HOXA3: variants seen among roughly 807,000 people sequenced by gnomAD.
The protein encoded by HOXA3 is homeobox A3, also known as homeobox protein Hox-A3.
HOXA3 carries 8 observed loss-of-function variants against 30.3 expected under a neutral mutation model. The ratio of observed to expected loss-of-function variants is 0.26; its 90% CI spans 0.15 to 0.48. The LOEUF (loss-of-function observed/expected upper bound fraction) is 0.48, where lower values mean the gene tolerates loss of function less well. Ranked by LOEUF, HOXA3 falls within the 20% of genes least tolerant of loss-of-function variation. The pLI is 0.99. For missense variants in HOXA3, 653 were observed against 614.4 expected (o/e 1.06, Z -0.66); for synonymous variants, 323 against 273.1 (o/e 1.18, Z -1.80).
Position 27,107,623 on chromosome 7 carries a change from CAA to C in HOXA3, c.*290_*291del, listed in dbSNP as rs1270166968. 3 of 340,390 alleles carry C rather than the reference CAA, an allele frequency of 8.8e-6. No individual in the cohort carries two copies. Among genetic ancestry groups the C allele is most frequent in the African/African-American group, 6.3e-5 (3 of 47,426 alleles). The allele number at this position is 340,390 out of a possible 1,614,324, so 21.1% of individuals were successfully genotyped here. ...TTTGTTCATATACCCTGTTTCTGAT[CAA>C]AGAGTGGAGAAGGTAAAGGGTGCAG... On this transcript the variant is annotated 3_prime_UTR_variant, in exon 6 of 6. Transcript: ENST00000612286.
intron 2 of HOXA3, 143 bp downstream of exon 2, chr7:27,139,940 T>C (rs934940539): frequency 6.6e-6 from 1 of 151,692 alleles, no homozygotes; most frequent in Non-Finnish European, 1.5e-5. Flanking sequence ...CGCTGCTCTT[T>C]TGGGCAGAGG....
In HOXA3 at chr7:27,152,527, G is replaced by A. The variant is rs1783012245; in HGVS notation, c.-733C>T. The A allele has an allele frequency of 3.4e-6, 4 of 1,180,034 alleles. No homozygotes were observed. Among genetic ancestry groups the A allele is most frequent in the East Asian group, 6.3e-5 (1 of 15,996 alleles). 73.1% of individuals were successfully genotyped at this position (1,180,034 alleles called of 1,614,324 possible). On this transcript the variant is annotated 5_prime_UTR_variant, in exon 1 of 6. Coordinates refer to ENST00000612286, the MANE Select transcript of HOXA3 (RefSeq NM_153631.3). ...CCATCTCCGGACAAAGCACAGCCGAGCCCGGCTGGAAGGCAGAGCTCCGAA... is the reference window on the plus strand; with the variant it reads ...CCATCTCCGGACAAAGCACAGCCGAACCCGGCTGGAAGGCAGAGCTCCGAA...
intron 2 of HOXA3, among the ~76,000 whole-genome samples, chr7:27,139,741 TG>T (rs1782467760): frequency 6.6e-6 from 1 of 152,110 alleles, no homozygotes; most frequent in Non-Finnish European, 1.5e-5. Context: ...CGCGGGGGAC[TG>T]GGGGTGCGGC....
At chr7:27,114,233 G>C (rs1184487356) in intron 4 of HOXA3, among the ~76,000 whole-genome samples, 1 of 152,040 alleles carries the variant, frequency 6.6e-6, no homozygotes, top group Non-Finnish European at 1.5e-5. Context: ...CGTCACGAAA[G>C]TCCAGGAAAA....
intron 3 of HOXA3, chr7:27,123,251 G>T (rs561195427): frequency 6.6e-6 from 1 of 152,274 alleles, no homozygotes; most frequent in Non-Finnish European, 1.5e-5. Flanking sequence ...GTCCTAGTGG[G>T]CTGGCGGGGC....
At chr7:27,134,488 A>G (rs765415299) in intron 2 of HOXA3, among the ~76,000 whole-genome samples, 2 of 152,238 alleles carry the variant, frequency 1.3e-5, no homozygotes, top group Non-Finnish European at 2.9e-5. Context: ...TGACATGTCT[A>G]TAAGGTGTGT....
At chr7:27,118,867 C>T (rs1784868234) in intron 4 of HOXA3, among the ~76,000 whole-genome samples, 2 of 152,178 alleles carry the variant, frequency 1.3e-5, no homozygotes, top group African/African-American at 4.8e-5. Flanking sequence ...ACACCATACA[C>T]TACAGACGCA....
chr7:27,131,829 A>C (rs1785569658), intron 2 of HOXA3, among the ~76,000 whole-genome samples: 2 of 152,126 alleles, frequency 1.3e-5, no homozygotes, highest in Admixed American at 6.5e-5. Flanking sequence ...TCTCTTTTAG[A>C]TCCTGCTTTC....
rs769648817 is a variant in HOXA3, at chr7:27,143,451, C to G, written c.-493-3265G>C. 54 of 1,613,762 alleles carry G rather than the reference C, an allele frequency of 3.3e-5. 1 individual carries two copies. Among genetic ancestry groups the G allele is most frequent in the Non-Finnish European group, 4.6e-5 (54 of 1,179,928 alleles). On this transcript the variant is annotated intron_variant, in intron 1 of 5. Transcript: ENST00000612286. ...GAGCCCGAGCGGCCGACGCTGAGAT[C>G]CATGCCATTGTAGCCGTAGCCGTAC...
At chr7:27,142,743 G>C in intron 1 of HOXA3, 1 of 386,140 alleles carries the variant, frequency 2.6e-6, no homozygotes, top group Non-Finnish European at 4.6e-6. Flanking sequence ...CGCCTTGCTC[G>C]GCTGGCCTGA....
At chr7:27,145,672 T>C (rs1366607698) in intron 1 of HOXA3, 2 of 1,613,772 alleles carry the variant, frequency 1.2e-6, no homozygotes, top group Non-Finnish European at 1.7e-6. Flanking sequence ...TCGCCCGCCT[T>C]TGCCTCTGAG....
In HOXA3 at chr7:27,110,756, C is replaced by T; in HGVS notation, c.-116G>A. On this transcript the variant is annotated 5_prime_UTR_variant, in exon 5 of 6. Transcript: ENST00000612286. The stretch of plus-strand genomic sequence containing the variant: ...CTCCGCCGCCAATGGCCGCCCCGCG[C>T]AGACCTGGTGGGGCGAGAAGCGCAG... 1 of 1,510,946 alleles carries T rather than the reference C, an allele frequency of 6.6e-7. No individual in the cohort carries two copies. The highest frequency in any genetic ancestry group is 9.0e-7 in the Non-Finnish European group (1 of 1,109,066). 93.6% of individuals were successfully genotyped at this position (1,510,946 alleles called of 1,614,324 possible).
chr7:27,147,287 C>T (rs1562732220), intron 1 of HOXA3: 1 of 1,593,846 alleles, frequency 6.3e-7, no homozygotes, highest in Non-Finnish European at 8.6e-7. Context: ...TCTCCCTCCA[C>T]TGTCTTGGGA....
In HOXA3 at chr7:27,130,644, G is replaced by C. The variant is rs747614651; in HGVS notation, c.-389-3574C>G. 1.1e-5 allele frequency: 17 copies of C among 1,596,076 alleles called. 1 individual carries two copies. The African/African-American group carries it at 1.2e-4, about 11-fold the overall frequency. ...CCCCGCCCGGGCCGCCGTCTGCGCC[G>C]CCCGAGCCGCTGTGCTGCGCGTACT... is the stretch of plus-strand genomic sequence containing the variant. On this transcript the variant is annotated intron_variant, in intron 2 of 5. Transcript: ENST00000612286.
intron 1 of HOXA3, chr7:27,151,456 G>C: frequency 2.7e-6 from 1 of 373,670 alleles, no homozygotes; most frequent in South Asian, 1.9e-5. Flanking sequence ...CTCGGTTTGC[G>C]TCCTTCCTTC....
At chr7:27,143,453 A>G (rs1782647320) in intron 1 of HOXA3, 2 of 1,613,786 alleles carry the variant, frequency 1.2e-6, no homozygotes, top group Non-Finnish European at 8.5e-7. Flanking sequence ...GCTGAGATCC[A>G]TGCCATTGTA....
rs1178607325 is a variant in HOXA3 at position 27,113,859 on chromosome 7, C to A, written c.-120-3099G>T. On this transcript the variant is annotated intron_variant, in intron 4 of 5. Coordinates refer to ENST00000612286, the MANE Select transcript of HOXA3 (RefSeq NM_153631.3). The surrounding 1 kb of genome is among the most constrained non-coding windows in gnomAD (Gnocchi z 4.8). ...GGGCCGACTGGGGCGGCTTGGACCC[C>A]CCTCCCACCCACCCCACCCACCCAC... 4 of 151,254 alleles carry A rather than the reference C, an allele frequency of 2.6e-5. No individual in the cohort carries two copies. Among genetic ancestry groups the A allele is most frequent in the African/African-American group, 4.8e-5 (2 of 41,348 alleles). 9.4% of individuals were successfully genotyped at this position (151,254 alleles called of 1,614,324 possible).
intron 5 of HOXA3, among the ~76,000 whole-genome samples, chr7:27,109,244 A>G (rs552694412): frequency 6.6e-6 from 1 of 152,330 alleles, no homozygotes; most frequent in Non-Finnish European, 1.5e-5. Context: ...TCTCTGCCCA[A>G]AGAAGAGATC....
chr7:27,146,537 G>A (rs1487465507), intron 1 of HOXA3, among the ~76,000 whole-genome samples: 1 of 152,170 alleles, frequency 6.6e-6, no homozygotes, highest in African/African-American at 2.4e-5. Flanking sequence ...CTGTCCTAGG[G>A]AATTCCTAGG....
Sources: allele counts gnomAD v4.1 joint callset (sites outside exome capture counted in the v4.1 genomes callset), GRCh38; gene constraint gnomAD v4.1.1; non-coding constraint Gnocchi (gnomAD v3.1); transcripts MANE v1.5; gene names NCBI Gene and HGNC (gene_info 2026-07-23, HGNC 2026-07-21).